The following PKIG variants were observed in gnomAD, a reference collection of about 807,000 sequenced individuals.
The protein encoded by PKIG is cAMP-dependent protein kinase inhibitor gamma, also known as protein kinase (cAMP-dependent, catalytic) inhibitor gamma.
In PKIG, 1 loss-of-function variant was observed where a neutral mutation model predicts 6.8. That is an observed-to-expected ratio of 0.15 (90% confidence interval 0.05 to 0.69). PKIG has a LOEUF of 0.69. Ranked by LOEUF, PKIG falls within the 30% of genes least tolerant of loss-of-function variation. The probability of loss-of-function intolerance (pLI) is 0.82; values close to 1 mark genes in which losing one functional copy is unlikely to be tolerated. For missense variants in PKIG, 77 were observed against 104.0 expected (o/e 0.74, Z 1.13); for synonymous variants, 39 against 43.0 (o/e 0.91, Z 0.36).
Position 44,618,612 on chromosome 20 carries a change from A to G in PKIG, c.*248A>G, listed in dbSNP as rs976669918. The G allele has an allele frequency of 2.3e-6, 1 of 430,418 alleles. No individual in the cohort carries two copies. The highest frequency in any genetic ancestry group is 4.5e-5 in the East Asian group (1 of 22,292). The allele number at this position is 430,418 out of a possible 1,614,324, so 26.7% of individuals were successfully genotyped here. A position where few individuals can be genotyped will look rare whatever the true frequency, so the allele number is the denominator to read the frequency against. On this transcript the variant is annotated 3_prime_UTR_variant, in exon 4 of 4. Coordinates refer to ENST00000372886, the MANE Select transcript of PKIG (RefSeq NM_001281445.2). ...TACACTTTCAAGACACTGTAACCAC[A>G]AGATGTTATTTATTGAGCTGGCGCC... is the stretch of plus-strand genomic sequence containing the variant.
chr20:44,574,722 C>T lies in PKIG; in HGVS notation c.-240-7863C>T, dbSNP rs565728386. On this transcript the variant is annotated intron_variant, in intron 1 of 4. Transcript: ENST00000372887. The stretch of plus-strand genomic sequence containing the variant: ...CCAGGCAGGTGGGACTACAGGCACA[C>T]GCCACCATGCCCAGCTAATTTTTTT... 4.4e-4 allele frequency among the ~76,000 whole-genome samples: 67 copies of T among 152,132 alleles called. 1 individual carries two copies. In the South Asian group the frequency reaches 0.013, roughly 29 times the overall value.
chr20:44,592,143 T>C (rs2065038946), intron 2 of PKIG, among the ~76,000 whole-genome samples: 1 of 152,248 alleles, frequency 6.6e-6, no homozygotes, highest in Non-Finnish European at 1.5e-5. Context: ...AGTTTGATCT[T>C]ATGAAGTACA....
chr20:44,558,604 T>TTCTTTC lies in PKIG; in HGVS notation c.-240-23979_-240-23974dup, dbSNP rs1414489713. Among the ~76,000 whole-genome samples the TTCTTTC allele has an allele frequency of 5.3e-5, 8 of 150,792 alleles. No homozygotes were observed. The East Asian group carries it at 1.4e-3, about 26-fold the overall frequency. On this transcript the variant is annotated intron_variant, in intron 1 of 4. Coordinates refer to the PKIG transcript ENST00000372887. ...TTTCTTTCTTTCTTTCTTTCTTTCT[T>TTCTTTC]TCTTTCTTTCTCATTCTTTCTTTTT...
intron 1 of PKIG, among the ~76,000 whole-genome samples, chr20:44,549,262 C>CA (rs1292250999): frequency 2.0e-5 from 3 of 151,930 alleles, no homozygotes; most frequent in Non-Finnish European, 2.9e-5. Context: ...GCCCAGATAA[C>CA]AAAAAAACAC....
At chr20:44,584,488 CAAAA>C (rs61654555) in intron 1 of PKIG, among the ~76,000 whole-genome samples, 6 of 64,700 alleles carry the variant, frequency 9.3e-5, no homozygotes, top group Non-Finnish European at 1.0e-4. Flanking sequence ...AGCCAGAGTG[CAAAA>C]AAAAAAAAAA....
intron 1 of PKIG, among the ~76,000 whole-genome samples, chr20:44,551,348 C>A (rs941056502): frequency 6.6e-6 from 1 of 152,204 alleles, no homozygotes; most frequent in East Asian, 1.9e-4. Context: ...GCCACCGCGC[C>A]CGGCCCAACA....
intron 1 of PKIG, among the ~76,000 whole-genome samples, chr20:44,533,700 G>C (rs1568798845): frequency 1.3e-5 from 2 of 152,030 alleles, no homozygotes; most frequent in East Asian, 1.9e-4. Flanking sequence ...AAAAGGCTGA[G>C]ATTATTCAGG....
intron 1 of PKIG, among the ~76,000 whole-genome samples, chr20:44,557,892 C>T (rs1293819567): frequency 6.6e-6 from 1 of 151,974 alleles, no homozygotes; most frequent in East Asian, 1.9e-4. Flanking sequence ...ACTTGGTGCT[C>T]TTTTGGATTC....
chr20:44,599,425 G>A (rs2065101515), intron 2 of PKIG, among the ~76,000 whole-genome samples: 1 of 152,150 alleles, frequency 6.6e-6, no homozygotes, highest in African/African-American at 2.4e-5. Context: ...CATGCAGTAA[G>A]AAAGAACTGT....
At chr20:44,581,837 T>C (rs2064950805), upstream of PKIG, among the ~76,000 whole-genome samples, 1 of 152,176 alleles carries the variant, frequency 6.6e-6, no homozygotes, top group Admixed American at 6.5e-5. Context: ...TTGGGTAGCT[T>C]GTAGTAAAAT....
intron 1 of PKIG, among the ~76,000 whole-genome samples, chr20:44,563,452 C>G (rs1465272709): frequency 6.6e-6 from 1 of 151,700 alleles, no homozygotes; most frequent in Non-Finnish European, 1.5e-5. Context: ...CTGTTTTTGT[C>G]TAGGTTCCCA....
intron 2 of PKIG, among the ~76,000 whole-genome samples, chr20:44,608,608 C>A (rs1035059813): frequency 6.6e-6 from 1 of 151,892 alleles, no homozygotes. Flanking sequence ...TTTGAGACCA[C>A]GAGTTTGAGA....
chr20:44,561,721 G>A (rs2064768968), intron 1 of PKIG, among the ~76,000 whole-genome samples: 1 of 152,104 alleles, frequency 6.6e-6, no homozygotes, highest in Admixed American at 6.6e-5. Flanking sequence ...GGCCTCAAGT[G>A]ATCCTCCCAC....
At chr20:44,599,721 A>AAAAAAAC (rs892137914) in intron 2 of PKIG, among the ~76,000 whole-genome samples, 1 of 152,140 alleles carries the variant, frequency 6.6e-6, no homozygotes, top group South Asian at 2.1e-4. Context: ...ATTCTGTCTC[A>AAAAAAAC]AAAAAACAAA....
At chr20:44,546,208 C>A in intron 1 of PKIG, among the ~76,000 whole-genome samples, 1 of 152,084 alleles carries the variant, frequency 6.6e-6, no homozygotes, top group Non-Finnish European at 1.5e-5. Flanking sequence ...CATGATCATG[C>A]CATTGCAGTC....
chr20:44,589,891 C>G (rs1784850945), intron 2 of PKIG, 25 bp downstream of exon 2: 1 of 152,374 alleles, frequency 6.6e-6, no homozygotes, highest in South Asian at 2.1e-4. Flanking sequence ...TGTTCATACT[C>G]TACTGCCAGA....
chr20:44,602,133 C>T (rs745901487), intron 2 of PKIG, among the ~76,000 whole-genome samples: 3 of 152,250 alleles, frequency 2.0e-5, no homozygotes, highest in Non-Finnish European at 2.9e-5. Context: ...ATACCAAAAC[C>T]TCCTGAGGAT....
chr20:44,539,738 T>C (rs750088357), intron 1 of PKIG, among the ~76,000 whole-genome samples: 5 of 151,094 alleles, frequency 3.3e-5, no homozygotes, highest in Non-Finnish European at 7.4e-5. Context: ...TAAACTTTCT[T>C]AAAACATTAT....
chr20:44,602,776 G>T (rs1425294172), intron 2 of PKIG, among the ~76,000 whole-genome samples: 1 of 151,760 alleles, frequency 6.6e-6, no homozygotes, highest in Non-Finnish European at 1.5e-5. Context: ...GGGAGGTGGA[G>T]GTTGCAGTGA....
Sources: allele counts gnomAD v4.1 joint callset (sites outside exome capture counted in the v4.1 genomes callset), GRCh38; gene constraint gnomAD v4.1.1; transcripts MANE v1.5; gene names NCBI Gene and HGNC (gene_info 2026-07-23, HGNC 2026-07-21).